RGL1: variants seen among roughly 807,000 people sequenced by gnomAD.
RGL1 encodes ral guanine nucleotide dissociation stimulator like 1.
In RGL1, 24 loss-of-function variants were observed where a neutral mutation model predicts 95.2. That is an observed-to-expected ratio of 0.25 (90% CI 0.18 to 0.35). RGL1 has a LOEUF of 0.35. RGL1 is among the 10% of genes least tolerant of loss of function. RGL1 has a pLI of 1.00. For missense variants in RGL1, 715 were observed against 936.3 expected (o/e 0.76, Z 3.08); for synonymous variants, 329 against 344.9 (o/e 0.95, Z 0.51).
In RGL1 at chr1:183,805,181, G is replaced by T. The variant is rs1661201269; in HGVS notation, c.-117G>T. 2.2e-6 allele frequency: 3 copies of T among 1,382,854 alleles called. No homozygotes were observed. The highest frequency in any genetic ancestry group is 5.9e-5 in the East Asian group (2 of 33,872). 85.7% of individuals were successfully genotyped at this position (1,382,854 alleles called of 1,614,324 possible). ...AGCGCGGCGCGTGTCTGTGCGCTGC[G>T]GTCGCTCGGGACCGGGACCGGGGCG... On this transcript the variant is annotated 5_prime_UTR_variant, in exon 1 of 18. Coordinates refer to ENST00000360851, the MANE Select transcript of RGL1 (RefSeq NM_001297671.3).
At chr1:183,695,047 G>A (rs1015210674) in intron 1 of RGL1, among the ~76,000 whole-genome samples, 1 of 152,230 alleles carries the variant, frequency 6.6e-6, no homozygotes, top group African/African-American at 2.4e-5. Context: ...AATCACTAAA[G>A]CTCTTGGATG....
intron 1 of RGL1, among the ~76,000 whole-genome samples, chr1:183,660,671 TA>T (rs913184686): frequency 2.6e-5 from 4 of 151,294 alleles, no homozygotes; most frequent in Admixed American, 2.6e-4. Context: ...TTAACAAGGA[TA>T]CCCAGGAATT....
At chr1:183,848,457 A>G (rs527248497) in intron 3 of RGL1, among the ~76,000 whole-genome samples, 4 of 152,350 alleles carry the variant, frequency 2.6e-5, no homozygotes, top group African/African-American at 9.6e-5. Flanking sequence ...GCTGTCAGCC[A>G]AACAATTGTT....
chr1:183,862,299 C>T (rs1286268039), intron 3 of RGL1, among the ~76,000 whole-genome samples: 3 of 152,244 alleles, frequency 2.0e-5, no homozygotes, highest in East Asian at 3.9e-4. Context: ...AAGGACAAGG[C>T]TACAGTGAGC....
intron 3 of RGL1, among the ~76,000 whole-genome samples, chr1:183,858,780 A>G (rs1337301920): frequency 6.6e-6 from 1 of 152,172 alleles, no homozygotes; most frequent in African/African-American, 2.4e-5. Flanking sequence ...CCTCTACTAA[A>G]GCTAACAGTA....
At chr1:183,810,611 T>C (rs1661642532) in intron 2 of RGL1, among the ~76,000 whole-genome samples, 1 of 152,188 alleles carries the variant, frequency 6.6e-6, no homozygotes, top group South Asian at 2.1e-4. Flanking sequence ...AACGTGGCAT[T>C]TGGGCAAATT....
chr1:183,866,416 G>A (rs1665842334), intron 4 of RGL1, among the ~76,000 whole-genome samples: 2 of 152,218 alleles, frequency 1.3e-5, no homozygotes, highest in South Asian at 4.1e-4. Flanking sequence ...CAGGGTCTGA[G>A]GGCTGGAGCG....
intron 1 of RGL1, among the ~76,000 whole-genome samples, chr1:183,699,164 G>T (rs551626172): frequency 6.6e-6 from 1 of 152,226 alleles, no homozygotes; most frequent in Non-Finnish European, 1.5e-5. Flanking sequence ...TCACTGTGGG[G>T]TCAGTAGCTC....
chr1:183,671,551 C>T (rs1444924726), intron 1 of RGL1, among the ~76,000 whole-genome samples: 2 of 152,072 alleles, frequency 1.3e-5, no homozygotes, highest in Non-Finnish European at 2.9e-5. Context: ...CTAGTTTCTT[C>T]TAAGCTTGCC....
chr1:183,648,476 A>G (rs150479240), intron 1 of RGL1: 240 of 1,614,118 alleles, frequency 1.5e-4, no homozygotes, highest in Admixed American at 4.3e-4. Flanking sequence ...CAAGATAACC[A>G]TTCATTTCAA....
rs190387448 is a variant in RGL1 at position 183,843,429 on chromosome 1, G to A, written c.139-4137G>A. On this transcript the variant is annotated intron_variant, in intron 2 of 17. Coordinates refer to ENST00000360851, the MANE Select transcript of RGL1 (RefSeq NM_001297671.3). ...AGTAAGAAAGTACTGAAAGAGAGGG[G>A]CTGGGTTAATGAGAAACATAATTCC... 2.6e-5 allele frequency among the ~76,000 whole-genome samples: 4 copies of A among 152,262 alleles called. No individual in the cohort carries two copies. In the East Asian group the frequency reaches 7.7e-4, roughly 29 times the overall value.
chr1:183,746,806 C>T (rs1366567200), intron 2 of RGL1, among the ~76,000 whole-genome samples: 1 of 152,008 alleles, frequency 6.6e-6, no homozygotes, highest in Admixed American at 6.5e-5. Flanking sequence ...TGCCCCCCAT[C>T]CCCCAACAGG....
At chr1:183,879,874 A>G (rs1429481500) in intron 4 of RGL1, among the ~76,000 whole-genome samples, 6 of 152,204 alleles carry the variant, frequency 3.9e-5, no homozygotes, top group African/African-American at 1.4e-4. Context: ...GGAGCTGTGC[A>G]CATACAAATG....
intron 2 of RGL1, among the ~76,000 whole-genome samples, chr1:183,748,394 CTTTTTTTTTTTTTTTTT>C (rs56920504): frequency 2.4e-3 from 165 of 69,730 alleles, no homozygotes; most frequent in African/African-American, 0.01. Flanking sequence ...TTCTCTAGTT[CTTTTTTTTTTTTTTTTT>C]TTTTTTTTTT....
intron 2 of RGL1, among the ~76,000 whole-genome samples, chr1:183,837,827 C>T (rs950062050): frequency 5.3e-5 from 8 of 152,154 alleles, no homozygotes; most frequent in African/African-American, 1.9e-4. Flanking sequence ...CTCAGATCAT[C>T]AGGCATTAGT....
chr1:183,893,048 C>T (rs893614478), intron 9 of RGL1, among the ~76,000 whole-genome samples: 2 of 152,190 alleles, frequency 1.3e-5, no homozygotes, highest in African/African-American at 4.8e-5. Context: ...AGACATAAAG[C>T]TATTTCTTCT....
In RGL1 at chr1:183,724,233, C is replaced by T. The variant is rs1039040888; in HGVS notation, c.-32-17893C>T. On this transcript the variant is annotated intron_variant, in intron 1 of 18. Transcript: ENST00000304685. The surrounding 1 kb of genome is among the most constrained non-coding windows in gnomAD (Gnocchi z 4.1). ...GGCTTCAGGTGTGACACAGCACATT[C>T]CCAGCTGTGGTGGCTATGAGGAGAG... is the stretch of plus-strand genomic sequence containing the variant. 2.6e-5 allele frequency among the ~76,000 whole-genome samples: 4 copies of T among 152,086 alleles called. No homozygotes were observed. Among genetic ancestry groups the T allele is most frequent in the Non-Finnish European group, 4.4e-5 (3 of 68,004 alleles).
intron 2 of RGL1, among the ~76,000 whole-genome samples, chr1:183,778,030 G>T (rs113090899): frequency 6.6e-6 from 1 of 152,092 alleles, no homozygotes; most frequent in Non-Finnish European, 1.5e-5. Flanking sequence ...GCTGCAGCTC[G>T]GGGTAGCATT....
At chr1:183,798,662 C>T (rs1660818961) in intron 2 of RGL1, among the ~76,000 whole-genome samples, 1 of 152,114 alleles carries the variant, frequency 6.6e-6, no homozygotes, top group East Asian at 1.9e-4. Flanking sequence ...AGAAGGTATT[C>T]ATCTTGTATA....
Sources: allele counts gnomAD v4.1 joint callset (sites outside exome capture counted in the v4.1 genomes callset), GRCh38; gene constraint gnomAD v4.1.1; non-coding constraint Gnocchi (gnomAD v3.1); transcripts MANE v1.5; gene names NCBI Gene and HGNC (gene_info 2026-07-23, HGNC 2026-07-21).